Variants in NR1H4 observed in about 807,000 individuals in gnomAD.
NR1H4 encodes the protein nuclear receptor subfamily 1 group H member 4, also known as bile acid receptor.
Under a neutral mutation model 58.5 loss-of-function variants are expected in NR1H4, and 23 were observed. The ratio of observed to expected loss-of-function variants is 0.39; its 90% CI spans 0.28 to 0.56. NR1H4 has a LOEUF of 0.56. Among genes scored for constraint, NR1H4 ranks in the 20% least tolerant of loss-of-function variants. The pLI, the probability that NR1H4 is intolerant of heterozygous loss-of-function variation, is 0.58. For missense variants in NR1H4, 487 were observed against 576.9 expected, an observed-to-expected ratio of 0.84 and a Z score of 1.60; for synonymous variants, 214 against 198.0, an observed-to-expected ratio of 1.08 and a Z score of -0.68.
intron 4 of NR1H4, among the ~76,000 whole-genome samples, chr12:100,518,310 T>C (rs1954318759): frequency 6.6e-6 from 1 of 152,136 alleles, no homozygotes; most frequent in Non-Finnish European, 1.5e-5. Flanking sequence ...GTAATCAAGA[T>C]AGAAGTCTAC....
intron 9 of NR1H4, among the ~76,000 whole-genome samples, chr12:100,547,342 A>G (rs1955094613): frequency 6.6e-6 from 1 of 152,144 alleles, no homozygotes; most frequent in Non-Finnish European, 1.5e-5. Context: ...AGAGCTCCCC[A>G]GGGTTTTCTG....
rs202101616 is a variant in NR1H4 at position 100,509,913 on chromosome 12, GCGCACA to G, written c.80-863_80-858del. Among the ~76,000 whole-genome samples the G allele has an allele frequency of 9.4e-3, 1,369 of 145,792 alleles. 18 individuals are homozygous for G. The highest frequency in any genetic ancestry group is 0.034 in the African/African-American group (1,244 of 36,518). On this transcript the variant is annotated intron_variant, in intron 3 of 10. Coordinates refer to ENST00000392986, the MANE Select transcript of NR1H4 (RefSeq NM_001206979.2). ...TTTGTCTTTGCACGTGGGCACGTGC[GCGCACA>G]CACACACACACACACACACACAGAG...
chr12:100,537,730 T>C (rs1954845714), intron 8 of NR1H4, among the ~76,000 whole-genome samples: 1 of 152,232 alleles, frequency 6.6e-6, no homozygotes, highest in East Asian at 1.9e-4. Flanking sequence ...TTTGTTTTGT[T>C]TGAGACGGAG....
At chr12:100,558,343 C>T (rs1361475247) in intron 9 of NR1H4, among the ~76,000 whole-genome samples, 1 of 118,990 alleles carries the variant, frequency 8.4e-6, no homozygotes, top group African/African-American at 3.3e-5. Flanking sequence ...GAGTGAGATT[C>T]CATCTCAAAA....
intron 3 of NR1H4, among the ~76,000 whole-genome samples, chr12:100,501,969 A>G (rs1030327019): frequency 3.3e-5 from 5 of 152,198 alleles, no homozygotes; most frequent in African/African-American, 9.7e-5. Context: ...AGCTTGATGT[A>G]CAAAAGTTAT....
At chr12:100,488,192 G>T (rs755089353) in intron 1 of NR1H4, among the ~76,000 whole-genome samples, 13 of 151,820 alleles carry the variant, frequency 8.6e-5, no homozygotes, top group Non-Finnish European at 2.9e-5. Flanking sequence ...TTAGAGATGA[G>T]ATTCCTCATG....
intron 5 of NR1H4, among the ~76,000 whole-genome samples, chr12:100,533,821 A>G (rs1954749649): frequency 6.6e-6 from 1 of 152,156 alleles, no homozygotes; most frequent in Non-Finnish European, 1.5e-5. Context: ...TTTTATTGGC[A>G]TTGAGAAAAG....
In NR1H4 at chr12:100,560,277, C is replaced by G. The variant is rs180944705; in HGVS notation, c.1079-1608C>G. On this transcript the variant is annotated intron_variant, in intron 9 of 10. Coordinates refer to ENST00000392986, the MANE Select transcript of NR1H4 (RefSeq NM_001206979.2). ...GATAAGAGAATAAAAGCAGGCTGCCCGAGCCCGCATTGGCAACCCACTCGG... is the reference window on the plus strand; with the variant it reads ...GATAAGAGAATAAAAGCAGGCTGCCGGAGCCCGCATTGGCAACCCACTCGG... 4.6e-3 allele frequency among the ~76,000 whole-genome samples: 697 copies of G among 152,308 alleles called. 3 individuals carry two copies. The highest frequency in any genetic ancestry group is 0.017 in the South Asian group (81 of 4,826).
chr12:100,492,256 G>A (rs767630149), intron 1 of NR1H4, among the ~76,000 whole-genome samples: 1 of 152,080 alleles, frequency 6.6e-6, no homozygotes, highest in Non-Finnish European at 1.5e-5. Context: ...TTTGGTGAGT[G>A]AGAGAGAAAG....
chr12:100,503,492 G>A (rs199956839), intron 3 of NR1H4: 11 of 1,594,256 alleles, frequency 6.9e-6, no homozygotes, highest in African/African-American at 6.7e-5. Context: ...TGAAGCCCGC[G>A]AAAGGTAGGA....
rs961141692 is a variant in NR1H4 at position 100,545,660 on chromosome 12, A to C, written c.1078+4842A>C. Among the ~76,000 whole-genome samples, 16 of 148,004 alleles carry C rather than the reference A, an allele frequency of 1.1e-4. No homozygotes were observed. The East Asian group carries it at 2.0e-3, about 18-fold the overall frequency. Reference sequence around the variant, plus strand: ...TTGTCTCAAAAAAAAAAAAAAAAAAAAAAAAAAAACCAAACGGGGGGCATA... The same window carrying C: ...TTGTCTCAAAAAAAAAAAAAAAAAACAAAAAAAAACCAAACGGGGGGCATA... On this transcript the variant is annotated intron_variant, in intron 9 of 10. Coordinates refer to ENST00000392986, the MANE Select transcript of NR1H4 (RefSeq NM_001206979.2).
rs1593113275 is a variant in NR1H4 at position 100,539,503 on chromosome 12, T to A, written c.932-1169T>A. The stretch of plus-strand genomic sequence containing the variant: ...GGCTCAATTTTTAGCGTTGCTCTCT[T>A]CTCTATACTCCCTTTGCTATTTAGT... On this transcript the variant is annotated intron_variant, in intron 8 of 10. Coordinates refer to ENST00000392986, the MANE Select transcript of NR1H4 (RefSeq NM_001206979.2). Among the ~76,000 whole-genome samples the A allele has an allele frequency of 3.9e-5, 6 of 152,282 alleles. No individual in the cohort carries two copies. The South Asian group carries it at 1.0e-3, about 26-fold the overall frequency.
intron 3 of NR1H4, among the ~76,000 whole-genome samples, chr12:100,493,894 T>G (rs1476791133): frequency 3.9e-5 from 6 of 152,190 alleles, no homozygotes; most frequent in Non-Finnish European, 7.3e-5. Context: ...CAAATTGTAC[T>G]AAGCAGTTTT....
At chr12:100,474,536 G>A (rs1284424523) in intron 1 of NR1H4, among the ~76,000 whole-genome samples, 2 of 152,104 alleles carry the variant, frequency 1.3e-5, no homozygotes, top group Non-Finnish European at 1.5e-5. Flanking sequence ...AAGAGTAGGT[G>A]GAAAAAGTCT....
chr12:100,561,757 T>C (rs553446964), intron 9 of NR1H4, 128 bp from the exon 10 acceptor site: 1 of 625,288 alleles, frequency 1.6e-6, no homozygotes. Context: ...ATAAAAATAA[T>C]ATAGTCATTA....
chr12:100,548,342 G>C (rs1367176906), intron 9 of NR1H4, among the ~76,000 whole-genome samples: 1 of 149,732 alleles, frequency 6.7e-6, no homozygotes, highest in Non-Finnish European at 1.5e-5. Context: ...ACTCCAGCCT[G>C]GGCAACAGAG....
intron 9 of NR1H4, among the ~76,000 whole-genome samples, chr12:100,554,886 A>C (rs1371012996): frequency 1.3e-5 from 2 of 152,130 alleles, no homozygotes; most frequent in East Asian, 1.9e-4. Context: ...GGCATGGTTA[A>C]CTCTGATTGT....
At chr12:100,499,133 C>A (rs1164564035) in intron 3 of NR1H4, among the ~76,000 whole-genome samples, 3 of 152,190 alleles carry the variant, frequency 2.0e-5, no homozygotes, top group African/African-American at 7.2e-5. Context: ...TTGAACGAAT[C>A]TTCCAGATGT....
At chr12:100,545,369 C>T (rs1350942095) in intron 9 of NR1H4, among the ~76,000 whole-genome samples, 2 of 151,992 alleles carry the variant, frequency 1.3e-5, no homozygotes, top group Non-Finnish European at 2.9e-5. Context: ...GCTGAGCATG[C>T]TGACTCACAC....
Sources: allele counts gnomAD v4.1 joint callset (sites outside exome capture counted in the v4.1 genomes callset), GRCh38; gene constraint gnomAD v4.1.1; transcripts MANE v1.5; gene names NCBI Gene and HGNC (gene_info 2026-07-23, HGNC 2026-07-21).